GRM5: variants seen among roughly 807,000 people sequenced by gnomAD.
GRM5 encodes glutamate metabotropic receptor 5.
GRM5 carries 19 observed loss-of-function variants against 83.1 expected under a neutral mutation model. The observed-to-expected ratio is 0.23, with a 90% confidence interval of 0.16 to 0.34. GRM5 has a LOEUF of 0.34. Among genes scored for constraint, GRM5 ranks in the 10% least tolerant of loss-of-function variants. The pLI, the probability that GRM5 is intolerant of heterozygous loss-of-function variation, is 1.00. For synonymous variants in GRM5, 675 were observed against 633.6 expected, an observed-to-expected ratio of 1.07 and a Z score of -0.98; for missense variants, 1,160 against 1,588.3, an observed-to-expected ratio of 0.73 and a Z score of 4.58.
Position 88,565,338 on chromosome 11 carries a change from A to C in GRM5, c.2630+1715T>G, listed in dbSNP as rs117542550. Among the ~76,000 whole-genome samples the C allele has an allele frequency of 7.1e-3, 1,085 of 152,346 alleles. 6 individuals are homozygous for C. The highest frequency in any genetic ancestry group is 0.013 in the Non-Finnish European group (907 of 68,034). On this transcript the variant is annotated intron_variant, in intron 8 of 9. Transcript: ENST00000305447. ...GTCAGATGATAGAAATAAGGTGCAG[A>C]GAGACAAAGTAGCACTGCTGTTGTT...
intron 2 of GRM5, among the ~76,000 whole-genome samples, chr11:88,884,395 T>G (rs1482452235): frequency 1.3e-5 from 2 of 152,224 alleles, no homozygotes; most frequent in African/African-American, 4.8e-5. Context: ...TGTACCCCAC[T>G]GTGTCTAGGA....
intron 2 of GRM5, among the ~76,000 whole-genome samples, chr11:88,861,891 T>A (rs1188358473): frequency 6.6e-6 from 1 of 152,164 alleles, no homozygotes; most frequent in Non-Finnish European, 1.5e-5. Context: ...TCTTACTCCA[T>A]AAAAGACTGT....
chr11:88,512,627 G>A (rs74578325), intron 9 of GRM5, among the ~76,000 whole-genome samples: 8 of 152,168 alleles, frequency 5.3e-5, no homozygotes, highest in Non-Finnish European at 8.8e-5. Context: ...CCTAAAATCC[G>A]GTTCTTATTC....
chr11:88,876,688 T>A (rs562549545), intron 2 of GRM5, among the ~76,000 whole-genome samples: 2 of 152,172 alleles, frequency 1.3e-5, no homozygotes, highest in African/African-American at 4.8e-5. Context: ...TTGGCCTAAC[T>A]TCAATATTGT....
At chr11:88,530,910 A>G (rs1565326659) in intron 8 of GRM5, among the ~76,000 whole-genome samples, 1 of 152,062 alleles carries the variant, frequency 6.6e-6, no homozygotes, top group Non-Finnish European at 1.5e-5. Context: ...GAACATTAAA[A>G]TGTATTAGAA....
intron 8 of GRM5, among the ~76,000 whole-genome samples, chr11:88,563,797 C>T (rs905993835): frequency 3.9e-5 from 6 of 152,094 alleles, no homozygotes; most frequent in South Asian, 2.1e-4. Flanking sequence ...AGCTGAAGTG[C>T]GGTGAACCAT....
At chr11:88,547,295 G>T (rs1476937104) in intron 8 of GRM5, among the ~76,000 whole-genome samples, 3 of 152,120 alleles carry the variant, frequency 2.0e-5, no homozygotes, top group Admixed American at 1.3e-4. Context: ...CTATCTAGTT[G>T]TCATTTGTAG....
At chr11:88,643,037 G>A (rs1939338250) in intron 4 of GRM5, among the ~76,000 whole-genome samples, 2 of 151,772 alleles carry the variant, frequency 1.3e-5, no homozygotes, top group Non-Finnish European at 1.5e-5. Context: ...AATTTCCTGT[G>A]TTAGGTCATT....
chr11:88,611,129 G>T (rs895945302), intron 4 of GRM5, among the ~76,000 whole-genome samples: 2 of 152,178 alleles, frequency 1.3e-5, no homozygotes, highest in South Asian at 2.1e-4. Flanking sequence ...AGTATTTTTT[G>T]AGGATTTTTG....
At chr11:88,790,101 T>A (rs1184284536) in intron 3 of GRM5, among the ~76,000 whole-genome samples, 4 of 152,178 alleles carry the variant, frequency 2.6e-5, no homozygotes, top group Admixed American at 2.6e-4. Flanking sequence ...TGACTTCAGA[T>A]GATCCACCCT....
chr11:89,012,916 T>C (rs994813636), intron 2 of GRM5, among the ~76,000 whole-genome samples: 5 of 152,256 alleles, frequency 3.3e-5, no homozygotes, highest in Non-Finnish European at 5.9e-5. Context: ...CTATTACAGA[T>C]GGTAGAGAAT....
chr11:88,516,385 C>G (rs1050509023), intron 9 of GRM5, among the ~76,000 whole-genome samples: 3 of 152,098 alleles, frequency 2.0e-5, no homozygotes, highest in African/African-American at 7.2e-5. Flanking sequence ...AAGACATACC[C>G]CTGTGGAGCA....
intron 8 of GRM5, among the ~76,000 whole-genome samples, chr11:88,538,921 C>T (rs369467204): frequency 6.6e-6 from 1 of 152,216 alleles, no homozygotes; most frequent in Non-Finnish European, 1.5e-5. Context: ...TTTGTTAAAC[C>T]TAGTTCTGTC....
rs952808906 is a variant in GRM5, at chr11:88,531,076, C to A, written c.2631-5672G>T. 1.9e-3 allele frequency among the ~76,000 whole-genome samples: 295 copies of A among 152,144 alleles called. 2 individuals are homozygous for A. The highest frequency in any genetic ancestry group is 6.5e-4 in the Non-Finnish European group (44 of 67,944). On this transcript the variant is annotated intron_variant, in intron 8 of 9. Transcript: ENST00000305447. ...ATGAAGCTAAAAGATAGAGGGATAA[C>A]TAGATTCCATGAGTCTAAATTCAGT...
intron 2 of GRM5, among the ~76,000 whole-genome samples, chr11:88,949,051 A>G (rs955660435): frequency 6.6e-6 from 1 of 152,178 alleles, no homozygotes; most frequent in African/African-American, 2.4e-5. Flanking sequence ...TACTGTCTAG[A>G]TAGAAGGTTG....
intron 2 of GRM5, among the ~76,000 whole-genome samples, chr11:88,881,894 C>CCGTT (rs1555033850): frequency 7.2e-5 from 11 of 151,778 alleles, no homozygotes; most frequent in African/African-American, 2.7e-4. Flanking sequence ...TTATATAAAA[C>CCGTT]TGAGGCTTTG....
At chr11:88,905,542 A>G (rs1565286074) in intron 2 of GRM5, among the ~76,000 whole-genome samples, 3 of 152,196 alleles carry the variant, frequency 2.0e-5, no homozygotes, top group Admixed American at 1.3e-4. Context: ...GGGTTTCGCC[A>G]GGTTTGTCAG....
chr11:88,888,509 T>C (rs1945084055), intron 2 of GRM5, among the ~76,000 whole-genome samples: 1 of 152,190 alleles, frequency 6.6e-6, no homozygotes, highest in Non-Finnish European at 1.5e-5. Flanking sequence ...GGCCCTTTTA[T>C]GATGTTCATT....
intron 3 of GRM5, among the ~76,000 whole-genome samples, chr11:88,777,319 T>C (rs1942877117): frequency 6.6e-6 from 1 of 152,230 alleles, no homozygotes; most frequent in South Asian, 2.1e-4. Flanking sequence ...ATGCTGTTTA[T>C]TCTAGCTAGC....
Sources: allele counts gnomAD v4.1 joint callset (sites outside exome capture counted in the v4.1 genomes callset), GRCh38; gene constraint gnomAD v4.1.1; transcripts MANE v1.5; gene names NCBI Gene and HGNC (gene_info 2026-07-23, HGNC 2026-07-21).